The following DMD variants were observed in gnomAD, a reference collection of about 807,000 sequenced individuals.
DMD encodes dystrophin.
In DMD, 63 loss-of-function variants were observed where a neutral mutation model predicts 330.1. The observed-to-expected ratio is 0.19, with a 90% confidence interval of 0.16 to 0.24. The LOEUF is 0.24. DMD is among the 10% of genes least tolerant of loss of function. DMD has a pLI of 1.00. For missense variants in DMD, 3,344 were observed against 2,684.1 expected (o/e 1.25, Z -5.43); for synonymous variants, 1,223 against 959.8 (o/e 1.27, Z -5.07).
intron 60 of DMD, among the ~76,000 whole-genome samples, chrX:31,366,814 C>A (rs1369123306): frequency 9.3e-6 from 1 of 107,620 alleles, no homozygotes; most frequent in Non-Finnish European, 1.9e-5. Context: ...TAGTCTATTT[C>A]TGTCTGTCTG....
At position 33,304,833 on chromosome X, in the gene DMD, C is replaced by G. The variant is rs1200411573; in HGVS notation, c.7+34426G>C. Reference sequence around the variant, plus strand: ...ATGAAAAAATGCTCATCATCACTGGCCATCAGAGAAATGCAAATCAAAACC... The same window carrying G: ...ATGAAAAAATGCTCATCATCACTGGGCATCAGAGAAATGCAAATCAAAACC... On this transcript the variant is annotated intron_variant, in intron 1 of 17. Transcript: ENST00000288447. 1.2e-4 allele frequency among the ~76,000 whole-genome samples: 12 copies of G among 103,254 alleles called. No homozygotes were observed. In the South Asian group the frequency reaches 1.9e-3, roughly 16 times the overall value. The allele number at this position is 103,254 out of a possible 115,157, so 89.7% of individuals were successfully genotyped here.
chrX:32,671,775 G>C (rs151288529), intron 9 of DMD, among the ~76,000 whole-genome samples: 7,168 of 111,312 alleles, frequency 0.064, 190 homozygotes, highest in African/African-American at 0.11. Flanking sequence ...ACACATTTAA[G>C]ACCAGTCATC....
intron 12 of DMD, among the ~76,000 whole-genome samples, chrX:32,599,174 G>C (rs1343023452): frequency 8.9e-6 from 1 of 112,019 alleles, no homozygotes; most frequent in African/African-American, 3.2e-5. Flanking sequence ...GACTTCAAAT[G>C]CGAAATAAAT....
intron 16 of DMD, among the ~76,000 whole-genome samples, chrX:32,558,938 CTTTTTTTTTTTTTT>C (rs60739281): frequency 5.9e-5 from 3 of 50,825 alleles, no homozygotes; most frequent in African/African-American, 1.0e-4. Context: ...TTCAAATTTT[CTTTTTTTTTTTTTT>C]TTTTTTTTTT....
At chrX:32,288,246 C>T (rs1426885188) in intron 42 of DMD, among the ~76,000 whole-genome samples, 3 of 111,493 alleles carry the variant, frequency 2.7e-5, no homozygotes, top group Non-Finnish European at 5.6e-5. Context: ...TTTCCTAATC[C>T]TTCTCATCCC....
intron 62 of DMD, among the ~76,000 whole-genome samples, chrX:31,295,054 T>C (rs1349187955): frequency 9.0e-6 from 1 of 111,536 alleles, no homozygotes; most frequent in African/African-American, 3.3e-5. Context: ...TGTAGTGCAG[T>C]AGCGCGATCT....
intron 7 of DMD, among the ~76,000 whole-genome samples, chrX:32,746,970 G>A (rs988944737): frequency 9.0e-6 from 1 of 111,284 alleles, no homozygotes; most frequent in Non-Finnish European, 1.9e-5. Flanking sequence ...TTATCTCTTC[G>A]TGCCCGACTT....
chrX:31,784,224 C>A (rs1294267806), intron 50 of DMD, among the ~76,000 whole-genome samples: 1 of 111,898 alleles, frequency 8.9e-6, no homozygotes, highest in African/African-American at 3.2e-5. Context: ...ACACAGCCAA[C>A]AAGCATCTGA....
In DMD at chrX:32,088,423, A is replaced by G. The variant is rs73619027; in HGVS notation, c.6439-119909T>C. ...GTTTCTCAAATTGAAGCTCTCAACC[A>G]GGAACTCTTTTTACCTCCAGCATAT... is the stretch of plus-strand genomic sequence containing the variant. On this transcript the variant is annotated intron_variant, in intron 44 of 78. Transcript: ENST00000357033. Among the ~76,000 whole-genome samples the G allele has an allele frequency of 5.3e-3, 576 of 109,422 alleles. 4 individuals are homozygous for G. Among genetic ancestry groups the G allele is most frequent in the African/African-American group, 0.018 (543 of 30,026 alleles).
At chrX:32,529,003 C>G (rs1003010799) in intron 17 of DMD, among the ~76,000 whole-genome samples, 1 of 105,808 alleles carries the variant, frequency 9.5e-6, no homozygotes, top group Admixed American at 1.0e-4. Context: ...CTCACTGCAA[C>G]CTCCGCCTCC....
intron 47 of DMD, 122 bp from the exon 48 acceptor site, chrX:31,875,495 AT>A: frequency 1.7e-6 from 1 of 579,167 alleles, no homozygotes; most frequent in East Asian, 3.6e-5. Flanking sequence ...GATTTGTGTT[AT>A]TTTAGCAGCA....
At chrX:32,411,372 G>A (rs1044299118) in intron 30 of DMD, among the ~76,000 whole-genome samples, 6 of 110,705 alleles carry the variant, frequency 5.4e-5, no homozygotes, top group East Asian at 2.9e-4. Context: ...ATTGTGATTC[G>A]TGGGCCTCAG....
At chrX:32,297,076 A>G (rs887328721) in intron 42 of DMD, among the ~76,000 whole-genome samples, 1 of 110,231 alleles carries the variant, frequency 9.1e-6, no homozygotes, top group Admixed American at 9.7e-5. Flanking sequence ...GATTCAGTAC[A>G]GTTAGGCACA....
intron 2 of DMD, among the ~76,000 whole-genome samples, chrX:33,008,117 T>C (rs1039684675): frequency 3.6e-5 from 4 of 111,713 alleles, no homozygotes; most frequent in Admixed American, 9.5e-5. Flanking sequence ...CCGAAAGTGA[T>C]CACTTGTTTA....
At chrX:31,152,138 C>T (rs1306235368) in intron 74 of DMD, among the ~76,000 whole-genome samples, 1 of 108,674 alleles carries the variant, frequency 9.2e-6, no homozygotes, top group Admixed American at 9.8e-5. Context: ...TTCTTAGTTT[C>T]TTGTTATTTT....
At chrX:31,482,948 G>C (rs186567059) in intron 57 of DMD, among the ~76,000 whole-genome samples, 1 of 110,005 alleles carries the variant, frequency 9.1e-6, no homozygotes, top group Admixed American at 9.7e-5. Flanking sequence ...TCAGGAAAAC[G>C]AGGAAAGTTG....
chrX:32,259,139 G>C (rs1457149345), intron 43 of DMD, among the ~76,000 whole-genome samples: 2 of 109,926 alleles, frequency 1.8e-5, no homozygotes, highest in Non-Finnish European at 3.8e-5. Flanking sequence ...TGTTTTGCCA[G>C]TGTAGCTTCT....
intron 7 of DMD, among the ~76,000 whole-genome samples, chrX:32,728,835 A>G (rs771356453): frequency 8.9e-6 from 1 of 111,842 alleles, no homozygotes; most frequent in Non-Finnish European, 1.9e-5. Flanking sequence ...CACAGTTCTT[A>G]AACTGAAGAA....
At chrX:31,844,790 T>G (rs943141459) in intron 48 of DMD, among the ~76,000 whole-genome samples, 4 of 111,547 alleles carry the variant, frequency 3.6e-5, no homozygotes, top group African/African-American at 1.3e-4. Flanking sequence ...GTGGTTATTG[T>G]AAATAGTTTG....
Sources: gnomAD v4.1 joint callset for allele counts (sites outside exome capture counted in the v4.1 genomes callset) on GRCh38, gnomAD v4.1.1 for gene constraint, MANE v1.5 for transcripts, NCBI Gene and HGNC (gene_info 2026-07-23, HGNC 2026-07-21) for gene names.